The following PIK3CD variants were observed in gnomAD, a reference collection of about 807,000 sequenced individuals.
The protein encoded by PIK3CD is phosphatidylinositol 4,5-bisphosphate 3-kinase catalytic subunit delta isoform.
A neutral mutation model predicts 122.9 loss-of-function variants in PIK3CD; 20 were observed. The observed-to-expected ratio is 0.16, with a 90% CI of 0.11 to 0.24. The LOEUF (loss-of-function observed/expected upper bound fraction) is 0.24. Ranked by LOEUF, PIK3CD falls within the 10% of genes least tolerant of loss-of-function variation. The pLI is 1.00. For synonymous variants in PIK3CD, 596 were observed against 593.4 expected, an observed-to-expected ratio of 1.00 and a Z score of -0.06; for missense variants, 787 against 1,406.3, an observed-to-expected ratio of 0.56 and a Z score of 7.04.
rs565662519 is a variant in PIK3CD at position 9,682,124 on chromosome 1, C to T, written c.-137-9343C>T. 3.3e-5 allele frequency among the ~76,000 whole-genome samples: 5 copies of T among 152,062 alleles called. No individual in the cohort carries two copies. In the East Asian group the frequency reaches 5.8e-4, roughly 18 times the overall value. ...TTTTTGTAGAAATAGGGTTTTGCCA[C>T]GTTGGCCAGGCTGGTCTCCAACTCC... is the stretch of plus-strand genomic sequence containing the variant. On this transcript the variant is annotated intron_variant, in intron 1 of 23. Transcript: ENST00000377346.
In PIK3CD at chr1:9,722,191, C is replaced by T. The variant is rs776786606; in HGVS notation, c.2234+38C>T. The stretch of plus-strand genomic sequence containing the variant: ...CCCGCCACAAGGGTTCCTCCCACCC[C>T]TGGGAGGCCGGTAGAGGAGCCCCTG... On this transcript the variant is annotated intron_variant, in intron 17 of 23. Coordinates refer to ENST00000377346, the MANE Select transcript of PIK3CD (RefSeq NM_005026.5). The surrounding 1 kb of genome is among the most constrained non-coding windows in gnomAD (Gnocchi z 7.6). 3.1e-6 allele frequency: 5 copies of T among 1,611,270 alleles called. No individual in the cohort carries two copies. The highest frequency in any genetic ancestry group is 4.2e-6 in the Non-Finnish European group (5 of 1,178,868).
At chr1:9,709,528 G>A (rs569782322) in intron 2 of PIK3CD, among the ~76,000 whole-genome samples, 4 of 152,060 alleles carry the variant, frequency 2.6e-5, no homozygotes, top group African/African-American at 9.6e-5. Flanking sequence ...GCAATATAGT[G>A]AGACTGTCTC....
chr1:9,662,131 C>T (rs576730333), intron 1 of PIK3CD, among the ~76,000 whole-genome samples: 1 of 152,188 alleles, frequency 6.6e-6, no homozygotes, highest in Non-Finnish European at 1.5e-5. Context: ...TGCCACTGCA[C>T]TCCAACCTGG....
intron 2 of PIK3CD, among the ~76,000 whole-genome samples, chr1:9,702,507 T>TTTTTTTTTTTTTTTG (rs1646680037): frequency 1.5e-5 from 1 of 67,542 alleles, no homozygotes; most frequent in Non-Finnish European, 2.7e-5. Context: ...TTCCTTTTTT[T>TTTTTTTTTTTTTTTG]TTTTTTTTTT....
intron 1 of PIK3CD, among the ~76,000 whole-genome samples, chr1:9,666,026 A>C (rs1645147333): frequency 6.6e-6 from 1 of 152,074 alleles, no homozygotes; most frequent in African/African-American, 2.4e-5. Flanking sequence ...TCCTGGCTTC[A>C]AGCGATTCTC....
intron 1 of PIK3CD, among the ~76,000 whole-genome samples, chr1:9,684,778 C>T (rs1417509946): frequency 6.9e-6 from 1 of 145,050 alleles, no homozygotes; most frequent in Admixed American, 7.1e-5. Context: ...CACCTGAGTC[C>T]ACAAGGTCAA....
intron 2 of PIK3CD, among the ~76,000 whole-genome samples, chr1:9,705,323 CAAAAA>C (rs563873650): frequency 6.9e-5 from 4 of 57,554 alleles, no homozygotes; most frequent in African/African-American, 1.2e-4. Flanking sequence ...TTAAAAATAC[CAAAAA>C]AAAAAAAAAA....
chr1:9,649,411 T>G (rs919182329), upstream of PIK3CD, among the ~76,000 whole-genome samples: 1 of 152,080 alleles, frequency 6.6e-6, no homozygotes, highest in African/African-American at 2.4e-5. Flanking sequence ...TTTCTATTTT[T>G]TTGTAGAGAC....
rs778850251 is a variant in PIK3CD at position 9,722,259 on chromosome 1, C to G, written c.2250C>G (p.Thr750=). 16 of 1,613,352 alleles carry G rather than the reference C, an allele frequency of 9.9e-6. No homozygotes were observed. Among genetic ancestry groups the G allele is most frequent in the Non-Finnish European group, 2.5e-6 (3 of 1,179,858 alleles). ...LLAEVCVEQC[T]FMDSKMKPLW... The stretch of plus-strand genomic sequence containing the variant: ...GGCCTGGCAGCGTGGAGCAGTGCAC[C>G]TTCATGGACTCCAAGATGAAGCCCC... Residue 750 remains threonine (T), a synonymous_variant, in exon 18 of 24, where the codon ACC becomes ACG. Transcript: ENST00000377346. This position sits in a 1 kb window ranked among gnomAD's most constrained non-coding sequence, Gnocchi z 7.6.
At chr1:9,666,809 A>G (rs1205671075) in intron 1 of PIK3CD, among the ~76,000 whole-genome samples, 3 of 150,414 alleles carry the variant, frequency 2.0e-5, no homozygotes, top group Non-Finnish European at 4.4e-5. Flanking sequence ...GGTTCAGGCA[A>G]TTCTGCCTCA....
chr1:9,695,362 T>C (rs1646364656), intron 2 of PIK3CD, among the ~76,000 whole-genome samples: 1 of 152,162 alleles, frequency 6.6e-6, no homozygotes, highest in Non-Finnish European at 1.5e-5. Flanking sequence ...TGAAGGCATT[T>C]CTACTTTTAA....
chr1:9,716,101 G>A, intron 5 of PIK3CD, 23 bp downstream of exon 5: 2 of 1,578,194 alleles, frequency 1.3e-6, no homozygotes, highest in Non-Finnish European at 1.7e-6. Flanking sequence ...GTGGCCTGCG[G>A]CATCCAGGCT....
the PIK3CD span, among the ~76,000 whole-genome samples, chr1:9,643,571 CA>C: frequency 6.6e-6 from 1 of 152,024 alleles, no homozygotes; most frequent in Non-Finnish European, 1.5e-5. Flanking sequence ...CTGCAAAGCC[CA>C]AAGATGCCGT....
At position 9,689,225 on chromosome 1, in the gene PIK3CD, A is replaced by C. The variant is rs1646092462; in HGVS notation, c.-137-2242A>C. Among the ~76,000 whole-genome samples the C allele has an allele frequency of 6.6e-6, 1 of 152,332 alleles. No individual in the cohort carries two copies. The highest frequency in any genetic ancestry group is 2.4e-5 in the African/African-American group (1 of 41,594). On this transcript the variant is annotated intron_variant, in intron 1 of 23. Transcript: ENST00000377346. The surrounding 1 kb of genome is among the most constrained non-coding windows in gnomAD (Gnocchi z 6.1). ...ATTTATTGATTGTAAGGTGAAACCT[A>C]GGCCAGAGCCAGCGTGCGCGCGCCG...
rs1647769350 is a variant in PIK3CD, at chr1:9,717,799, G to C, written c.1020+173G>C. Among the ~76,000 whole-genome samples the C allele has an allele frequency of 6.6e-6, 1 of 152,222 alleles. No homozygotes were observed. The highest frequency in any genetic ancestry group is 2.4e-5 in the African/African-American group (1 of 41,446). On this transcript the variant is annotated intron_variant, in intron 8 of 23. Transcript: ENST00000377346. The surrounding 1 kb of genome is among the most constrained non-coding windows in gnomAD (Gnocchi z 5.4). ...CGGCTTGAAAACAGGAAGTGGGGAG[G>C]GGGTGGGCCAGCCGGCCCTGGAGGC...
At chr1:9,694,618 A>G (rs999792250) in intron 2 of PIK3CD, among the ~76,000 whole-genome samples, 2 of 152,174 alleles carry the variant, frequency 1.3e-5, no homozygotes, top group Non-Finnish European at 2.9e-5. Context: ...AAGCAGGGTT[A>G]GTGCCTTTCC....
rs564965205 is a variant in PIK3CD at position 9,689,579 on chromosome 1, G to T, written c.-137-1888G>T. 9.7e-3 allele frequency among the ~76,000 whole-genome samples: 1,448 copies of T among 149,580 alleles called. 22 individuals carry two copies. Among genetic ancestry groups the T allele is most frequent in the African/African-American group, 0.034 (1,386 of 41,028 alleles). ...AGCCCCGCTTGCCTGCACCTCGCGC[G>T]GCGGGCCTGCCCTCCGGCCCCCGCC... On this transcript the variant is annotated intron_variant, in intron 1 of 23. Transcript: ENST00000377346. The surrounding 1 kb of genome is among the most constrained non-coding windows in gnomAD (Gnocchi z 6.1).
Position 9,700,682 on chromosome 1 carries a change from C to G in PIK3CD, c.-33+9111C>G, listed in dbSNP as rs1646592857. 6.6e-6 allele frequency among the ~76,000 whole-genome samples: 1 copy of G among 152,118 alleles called. No homozygotes were observed. Among genetic ancestry groups the G allele is most frequent in the African/African-American group, 2.4e-5 (1 of 41,422 alleles). On this transcript the variant is annotated intron_variant, in intron 2 of 23. Coordinates refer to ENST00000377346, the MANE Select transcript of PIK3CD (RefSeq NM_005026.5). The surrounding 1 kb of genome is among the most constrained non-coding windows in gnomAD (Gnocchi z 5.1). ...CCTGCTGACTCCACAGATCTGTCCC[C>G]CGCCCTCCCACCTGGGGAGTTTGCC...
At chr1:9,630,915 G>T in the PIK3CD span, among the ~76,000 whole-genome samples, 1 of 152,118 alleles carries the variant, frequency 6.6e-6, no homozygotes. Context: ...CTGGGAGGCT[G>T]GCTGGGTTGG....
Sources: gnomAD v4.1 joint callset for allele counts (sites outside exome capture counted in the v4.1 genomes callset) on GRCh38, gnomAD v4.1.1 for gene constraint, Gnocchi (gnomAD v3.1) non-coding constraint, MANE v1.5 for transcripts, NCBI Gene and HGNC (gene_info 2026-07-23, HGNC 2026-07-21) for gene names.